The following FBXO17 variants were observed in gnomAD, a reference collection of about 807,000 sequenced individuals.
FBXO17 encodes the protein F-box only protein 17.
FBXO17 carries 43 observed loss-of-function variants against 34.1 expected under a neutral mutation model. The ratio of observed to expected loss-of-function variants is 1.26; its 90% CI spans 0.99 to 1.62. FBXO17 has a LOEUF of 1.62. Among genes scored for constraint, FBXO17 ranks in the 40% most tolerant of loss-of-function variants. FBXO17 has a pLI of 0.00. For missense variants in FBXO17, 424 were observed against 386.7 expected (o/e 1.10, Z -0.81); for synonymous variants, 169 against 166.0 (o/e 1.02, Z -0.14).
intron 1 of FBXO17, among the ~76,000 whole-genome samples, chr19:38,955,858 T>C (rs1410644851): frequency 1.3e-5 from 2 of 152,102 alleles, no homozygotes; most frequent in African/African-American, 2.4e-5. Flanking sequence ...AGTTTCCCTT[T>C]CTGAAAATGG....
intron 1 of FBXO17, among the ~76,000 whole-genome samples, chr19:38,966,796 C>G (rs374579960): frequency 6.6e-6 from 1 of 152,130 alleles, no homozygotes; most frequent in Non-Finnish European, 1.5e-5. Context: ...GCTTTACTTA[C>G]GGGTTTTCTT....
At chr19:38,966,293 T>TGTGTGTGTGTGTG (rs1975319597) in intron 1 of FBXO17, among the ~76,000 whole-genome samples, 11 of 143,054 alleles carry the variant, frequency 7.7e-5, no homozygotes, top group Middle Eastern at 3.4e-3. Flanking sequence ...ATTAAAAATT[T>TGTGTGTGTGTGTG]TGTGTGTGTG....
At chr19:38,967,726 T>C (rs1975339234) in intron 1 of FBXO17, among the ~76,000 whole-genome samples, 1 of 151,846 alleles carries the variant, frequency 6.6e-6, no homozygotes, top group African/African-American at 2.4e-5. Context: ...ACCACCACAT[T>C]CAGCTAATTG....
intron 1 of FBXO17, among the ~76,000 whole-genome samples, chr19:38,969,588 CTTTTTTTTTTTTTT>C (rs67681512): frequency 0.46 from 48,297 of 106,064 alleles, 8,814 homozygotes; most frequent in South Asian, 0.59. Context: ...AACCACTGGG[CTTTTTTTTTTTTTT>C]TTTTTTTTTT....
At chr19:38,957,635 C>T (rs67023229) in intron 1 of FBXO17, among the ~76,000 whole-genome samples, 40,967 of 151,980 alleles carry the variant, frequency 0.27, 5,764 homozygotes, top group South Asian at 0.35. Context: ...TGAGCCACTG[C>T]GCCCGGCAGT....
At position 38,975,320 on chromosome 19, in the gene FBXO17, C is replaced by A. The variant is rs1006297808; in HGVS notation, c.-18+266G>T. 1.1e-4 allele frequency among the ~76,000 whole-genome samples: 17 copies of A among 152,218 alleles called. No homozygotes were observed. The highest frequency in any genetic ancestry group is 2.6e-4 in the Admixed American group (4 of 15,276). On this transcript the variant is annotated intron_variant, in intron 1 of 5. Coordinates refer to ENST00000292852, the MANE Select transcript of FBXO17 (RefSeq NM_024907.7). The surrounding 1 kb of genome is among the most constrained non-coding windows in gnomAD (Gnocchi z 4.9). Reference sequence around the variant, plus strand: ...CGGACGAGCGCAGGGATGGAGAGGCCTGGGCGTTCGAACACCCACGTTCAA... The same window carrying A: ...CGGACGAGCGCAGGGATGGAGAGGCATGGGCGTTCGAACACCCACGTTCAA...
intron 1 of FBXO17, among the ~76,000 whole-genome samples, chr19:38,954,916 A>G (rs1225797616): frequency 0.012 from 1,482 of 127,768 alleles, 35 homozygotes; most frequent in African/African-American, 0.047. Context: ...TATTATTATT[A>G]TTATTATTAT....
chr19:38,962,106 TAA>T (rs71167604), intron 1 of FBXO17, among the ~76,000 whole-genome samples: 30,356 of 92,512 alleles, frequency 0.33, 3,911 homozygotes, highest in South Asian at 0.46. Context: ...GGGACGCTGT[TAA>T]AAAAAAAAAA....
At position 38,943,462 on chromosome 19, in the gene FBXO17, C is replaced by A. The variant is rs549629742; in HGVS notation, c.694-711G>T. Among the ~76,000 whole-genome samples the A allele has an allele frequency of 2.1e-3, 316 of 151,646 alleles. 3 individuals carry two copies. The highest frequency in any genetic ancestry group is 7.4e-3 in the African/African-American group (304 of 41,332). On this transcript the variant is annotated intron_variant, in intron 5 of 5. Coordinates refer to ENST00000292852, the MANE Select transcript of FBXO17 (RefSeq NM_024907.7). ...CTAATTTTTGTATTTTTAGTAGAGA[C>A]GGGGGTTTTGCCATGTTGGTCAGGC... is the stretch of plus-strand genomic sequence containing the variant.
At position 38,950,160 on chromosome 19, in the gene FBXO17, C is replaced by A; in HGVS notation, c.160G>T (p.Asp54Tyr). The A allele has an allele frequency of 2.6e-6, 4 of 1,561,756 alleles. No homozygotes were observed. Among genetic ancestry groups the A allele is most frequent in the African/African-American group, 1.4e-5 (1 of 73,426 alleles). ...PVCRAWRDIV[D>Y]GPTVWLLQLA... ...TGCAGCAGCCACACAGTGGGCCCGT[C>A]CACTATGTCGCGCCAGGCGCGGCAC... The change falls in exon 2 of 6, where the codon GAC becomes TAC. Residue 54 changes from aspartate (D) to tyrosine (Y), a missense_variant. Transcript: ENST00000292852.
In FBXO17 at chr19:38,955,410, T is replaced by C. The variant is rs531568422; in HGVS notation, c.-17-5074A>G. ...CATGCAGCGTCTTTGTTTCTCTTTGTGGTAAAACTTCTCAAAAGAGCTGTC... is the reference window on the plus strand; with the variant it reads ...CATGCAGCGTCTTTGTTTCTCTTTGCGGTAAAACTTCTCAAAAGAGCTGTC... On this transcript the variant is annotated intron_variant, in intron 1 of 5. Transcript: ENST00000292852. 3.9e-5 allele frequency among the ~76,000 whole-genome samples: 6 copies of C among 152,094 alleles called. No homozygotes were observed. The South Asian group carries it at 1.0e-3, about 26-fold the overall frequency.
chr19:38,969,590 T>A (rs1270759164), intron 1 of FBXO17, among the ~76,000 whole-genome samples: 2 of 15,800 alleles, frequency 1.3e-4, no homozygotes, highest in Middle Eastern at 0.024. Context: ...CCACTGGGCT[T>A]TTTTTTTTTT....
chr19:38,955,407 T>G (rs1251541406), intron 1 of FBXO17, among the ~76,000 whole-genome samples: 1 of 152,116 alleles, frequency 6.6e-6, no homozygotes, highest in Non-Finnish European at 1.5e-5. Context: ...TTGTTTCTCT[T>G]TGTGGTAAAA....
At chr19:38,972,495 TG>T (rs34475138) in intron 1 of FBXO17, among the ~76,000 whole-genome samples, 31,546 of 150,648 alleles carry the variant, frequency 0.21, 3,878 homozygotes, top group South Asian at 0.36. Flanking sequence ...CAGTGAGCTG[TG>T]ATTGTGCCAC....
Position 38,946,477 on chromosome 19 carries a change from A to G in FBXO17, c.552T>C (p.Ala184=). 1 of 1,614,044 alleles carries G rather than the reference A, an allele frequency of 6.2e-7. No individual in the cohort carries two copies. Among genetic ancestry groups the G allele is most frequent in the Non-Finnish European group, 8.5e-7 (1 of 1,179,918 alleles). Reference sequence around the variant, plus strand: ...GGGTGCCGCTCCTCACTCACCAGTCAGCCACACAGATCTCAATCTGGGCGC... The same window carrying G: ...GGGTGCCGCTCCTCACTCACCAGTCGGCCACACAGATCTCAATCTGGGCGC... ...LDSAQIEICV[A]DWWGARENCG... is the part of the protein sequence containing the mutation. The change falls in exon 4 of 6, where the codon GCT becomes GCC. Residue 184 remains alanine (A), a synonymous_variant. Transcript: ENST00000292852.
chr19:38,950,509 G>A (rs1975067577), intron 1 of FBXO17, among the ~76,000 whole-genome samples, 173 bp from the exon 2 acceptor site: 1 of 152,342 alleles, frequency 6.6e-6, no homozygotes, highest in Non-Finnish European at 1.5e-5. Flanking sequence ...TCCCCACTTG[G>A]GTAAAAGACC....
chr19:38,954,545 C>T (rs1343636704), intron 1 of FBXO17, among the ~76,000 whole-genome samples: 1 of 145,124 alleles, frequency 6.9e-6, no homozygotes, highest in East Asian at 2.1e-4. Context: ...GCTAGGATTA[C>T]AGGTGTGAGC....
chr19:38,949,932 GC>G (rs780958976), intron 2 of FBXO17, 38 bp downstream of exon 2: 5 of 1,460,930 alleles, frequency 3.4e-6, no homozygotes, highest in Non-Finnish European at 3.6e-6. Context: ...CGCTCGCGCG[GC>G]CCCCCTCAGC....
At chr19:38,950,949 G>A (rs7249553) in intron 1 of FBXO17, among the ~76,000 whole-genome samples, 13,247 of 151,696 alleles carry the variant, frequency 0.087, 638 homozygotes, top group Non-Finnish European at 0.1. Context: ...CCGCCACCAC[G>A]CCCGGCTAAT....
Sources: allele counts gnomAD v4.1 joint callset (sites outside exome capture counted in the v4.1 genomes callset), GRCh38; gene constraint gnomAD v4.1.1; non-coding constraint Gnocchi (gnomAD v3.1); transcripts MANE v1.5; gene names NCBI Gene and HGNC (gene_info 2026-07-23, HGNC 2026-07-21).